The following AHI1 variants were observed in gnomAD, a reference collection of about 807,000 sequenced individuals.
AHI1 encodes jouberin.
Under a neutral mutation model 149.3 loss-of-function variants are expected in AHI1, and 123 were observed. The observed-to-expected ratio is 0.82, with a 90% CI of 0.71 to 0.96. The LOEUF is 0.96. Ranked by LOEUF, AHI1 falls within the 40% of genes least tolerant of loss-of-function variation. The pLI is 0.00. For missense variants in AHI1, 1,439 were observed against 1,422.7 expected (o/e 1.01, Z -0.18); for synonymous variants, 475 against 459.8 (o/e 1.03, Z -0.42).
intron 24 of AHI1, among the ~76,000 whole-genome samples, chr6:135,343,008 GCAGA>G (rs966177153): frequency 6.6e-6 from 1 of 150,502 alleles, no homozygotes; most frequent in African/African-American, 2.4e-5. Context: ...AGTAGAGTAT[GCAGA>G]CAATCTCAAA....
intron 24 of AHI1, among the ~76,000 whole-genome samples, chr6:135,357,841 A>G (rs552608390): frequency 1.1e-4 from 17 of 152,354 alleles, no homozygotes; most frequent in Admixed American, 5.2e-4. Flanking sequence ...GAAATGAAGC[A>G]TAATGGCCTT....
chr6:135,457,221 T>C (rs997222733), intron 9 of AHI1, among the ~76,000 whole-genome samples: 30 of 152,088 alleles, frequency 2.0e-4, no homozygotes, highest in African/African-American at 6.8e-4. Flanking sequence ...GAGGCAGAGG[T>C]TGCAGTGAGC....
At chr6:135,344,162 A>C (rs1790800426) in intron 24 of AHI1, among the ~76,000 whole-genome samples, 1 of 151,968 alleles carries the variant, frequency 6.6e-6, no homozygotes, top group Non-Finnish European at 1.5e-5. Flanking sequence ...TGTAAATGCT[A>C]TACAAATAGT....
At chr6:135,364,774 C>T (rs562904459) in intron 23 of AHI1, among the ~76,000 whole-genome samples, 2 of 152,372 alleles carry the variant, frequency 1.3e-5, no homozygotes, top group East Asian at 1.9e-4. Flanking sequence ...CGCCTGCAAT[C>T]GCAGGCACTC....
In AHI1 at chr6:135,438,381, G is replaced by T. The variant is rs758363344; in HGVS notation, c.2030C>A (p.Thr677Asn). The T allele has an allele frequency of 6.3e-7, 1 of 1,579,966 alleles. No homozygotes were observed. Among genetic ancestry groups the T allele is most frequent in the Admixed American group, 1.7e-5 (1 of 57,150 alleles). ...HYILTSSSDG[T>N]ARIWKNEINN... Reference sequence around the variant, plus strand: ...ACTTCTCAAGGATACTAACCTGGCAGTGCCATCAGATGATGAAGTAAGGAT... The same window carrying T: ...ACTTCTCAAGGATACTAACCTGGCATTGCCATCAGATGATGAAGTAAGGAT... The change falls in exon 15 of 29, where the codon ACT becomes AAT. Residue 677 changes from threonine (T) to asparagine (N), a missense_variant. Thr to Asn is a moderately conservative substitution (Grantham distance 65). Coordinates refer to ENST00000265602, the MANE Select transcript of AHI1 (RefSeq NM_001134831.2).
chr6:135,464,563 C>T (rs1032589182), intron 7 of AHI1, among the ~76,000 whole-genome samples: 3 of 152,128 alleles, frequency 2.0e-5, no homozygotes, highest in Non-Finnish European at 2.9e-5. Context: ...GTAATGAATG[C>T]CACTTATAAG....
At chr6:135,331,950 C>T (rs1057042909) in intron 24 of AHI1, among the ~76,000 whole-genome samples, 2 of 152,092 alleles carry the variant, frequency 1.3e-5, no homozygotes, top group African/African-American at 4.8e-5. Flanking sequence ...CTACAACAGC[C>T]CTAGGAAACT....
At chr6:135,424,680 C>T (rs1042300723) in intron 20 of AHI1, among the ~76,000 whole-genome samples, 23 of 151,924 alleles carry the variant, frequency 1.5e-4, no homozygotes, top group Non-Finnish European at 7.4e-5. Context: ...GGGAAAGATG[C>T]TTGCTAACTC....
At chr6:135,360,831 G>GC (rs1207470187) in intron 23 of AHI1, among the ~76,000 whole-genome samples, 2 of 152,000 alleles carry the variant, frequency 1.3e-5, no homozygotes, top group African/African-American at 2.4e-5. Flanking sequence ...AAATAAAAAT[G>GC]AAAAAAATTA....
intron 27 of AHI1, among the ~76,000 whole-genome samples, chr6:135,296,690 C>T (rs1783136247): frequency 6.6e-6 from 1 of 152,156 alleles, no homozygotes; most frequent in Non-Finnish European, 1.5e-5. Context: ...CTTTCCTTTC[C>T]CCTACCCATG....
intron 15 of AHI1, among the ~76,000 whole-genome samples, chr6:135,437,095 T>C (rs1453635563): frequency 4.6e-5 from 7 of 152,128 alleles, no homozygotes; most frequent in African/African-American, 1.4e-4. Context: ...CTATGGATAT[T>C]AGGAGGGAAA....
chr6:135,483,228 CT>C (rs969886920), intron 5 of AHI1, among the ~76,000 whole-genome samples: 80 of 151,930 alleles, frequency 5.3e-4, no homozygotes, highest in African/African-American at 1.9e-3. Context: ...TAGTTACCCC[CT>C]GAAAACACTA....
At chr6:135,479,601 G>A (rs1793274356) in intron 5 of AHI1, among the ~76,000 whole-genome samples, 1 of 152,100 alleles carries the variant, frequency 6.6e-6, no homozygotes, top group South Asian at 2.1e-4. Flanking sequence ...TATTTTACAG[G>A]CTCATAGATG....
At chr6:135,404,196 A>C (rs1159924317) in intron 22 of AHI1, among the ~76,000 whole-genome samples, 1 of 152,220 alleles carries the variant, frequency 6.6e-6, no homozygotes, top group African/African-American at 2.4e-5. Flanking sequence ...TGGACAGAAG[A>C]GGGAAGGATG....
At position 135,425,279 on chromosome 6, in the gene AHI1, T is replaced by C. The variant is rs565007129; in HGVS notation, c.2764+1888A>G. ...TCATGGAAATCCTTCCTCTTGCACA[T>C]TAAGATAGTGTGGAAATAACATTAT... On this transcript the variant is annotated intron_variant, in intron 20 of 28. Transcript: ENST00000265602. Among the ~76,000 whole-genome samples, 3 of 152,056 alleles carry C rather than the reference T, an allele frequency of 2.0e-5. No individual in the cohort carries two copies. The South Asian group carries it at 6.2e-4, about 31-fold the overall frequency.
At chr6:135,347,577 C>A (rs1791423732) in intron 24 of AHI1, among the ~76,000 whole-genome samples, 1 of 152,132 alleles carries the variant, frequency 6.6e-6, no homozygotes, top group Non-Finnish European at 1.5e-5. Context: ...TAATTTATCT[C>A]ATAGAATTAT....
At chr6:135,313,882 G>A (rs1379197454) in intron 26 of AHI1, among the ~76,000 whole-genome samples, 1 of 152,142 alleles carries the variant, frequency 6.6e-6, no homozygotes, top group Admixed American at 6.6e-5. Context: ...GGGAGGGGGG[G>A]TCAGGTCACC....
intron 20 of AHI1, among the ~76,000 whole-genome samples, chr6:135,420,711 G>C (rs935457804): frequency 6.6e-6 from 1 of 152,278 alleles, no homozygotes; most frequent in East Asian, 1.9e-4. Context: ...CTGGCATAAG[G>C]GGGTACTGTG....
At chr6:135,287,090 T>TGG (rs917192789) in intron 28 of AHI1, among the ~76,000 whole-genome samples, 22 of 152,068 alleles carry the variant, frequency 1.4e-4, no homozygotes, top group African/African-American at 4.8e-4. Flanking sequence ...GAAGAGTTCA[T>TGG]GTTAGTGGGA....
Sources: gnomAD v4.1 joint callset for allele counts (sites outside exome capture counted in the v4.1 genomes callset) on GRCh38, gnomAD v4.1.1 for gene constraint, MANE v1.5 for transcripts, NCBI Gene and HGNC (gene_info 2026-07-23, HGNC 2026-07-21) for gene names.